The following LRRK2 variants were observed in gnomAD, a reference collection of about 807,000 sequenced individuals.
The protein encoded by LRRK2 is leucine rich repeat kinase 2.
Under a neutral mutation model 302.6 loss-of-function variants are expected in LRRK2, and 203 were observed. The ratio of observed to expected loss-of-function variants is 0.67; its 90% CI spans 0.60 to 0.75. LRRK2 has a LOEUF of 0.75. LRRK2 is among the 30% of genes least tolerant of loss of function. The pLI is 0.00. For synonymous variants in LRRK2, 1,066 were observed against 1,031.9 expected (o/e 1.03, Z -0.63); for missense variants, 2,830 against 2,951.0 (o/e 0.96, Z 0.95).
chr12:40,328,521 A>G, intron 39 of LRRK2, 61 bp downstream of exon 39: 1 of 1,284,342 alleles, frequency 7.8e-7, no homozygotes, highest in Non-Finnish European at 1.1e-6. Flanking sequence ...TGGAACTCTT[A>G]TTTTGCATAC....
chr12:40,354,498 G>C lies in LRRK2; in HGVS notation c.6770+6G>C. The C allele has an allele frequency of 6.2e-7, 1 of 1,612,916 alleles. No homozygotes were observed. The highest frequency in any genetic ancestry group is 8.5e-7 in the Non-Finnish European group (1 of 1,179,130). On this transcript the variant is annotated splice_donor_region_variant and intron_variant, in intron 45 of 50. Coordinates refer to ENST00000298910, the MANE Select transcript of LRRK2 (RefSeq NM_198578.4). ...AATTCCTTTTCCAAGCAAAGGTATG[G>C]TAGTGAATTTGATCAATGGGGAAAT...
intron 2 of LRRK2, among the ~76,000 whole-genome samples, chr12:40,230,111 G>A (rs759888696): frequency 1.2e-4 from 19 of 152,066 alleles, no homozygotes; most frequent in African/African-American, 4.6e-4. Flanking sequence ...TTCAGCTTAC[G>A]TGGAGGAGGA....
intron 18 of LRRK2, among the ~76,000 whole-genome samples, chr12:40,280,622 TAAAATA>T (rs1310254359): frequency 1.0e-3 from 6 of 5,820 alleles, no homozygotes; most frequent in Admixed American, 2.6e-3. Flanking sequence ...CAGACCCTGT[TAAAATA>T]AAATAAAATA....
intron 7 of LRRK2, among the ~76,000 whole-genome samples, chr12:40,246,463 G>T (rs1283207202): frequency 6.6e-6 from 1 of 151,244 alleles, no homozygotes; most frequent in Non-Finnish European, 1.5e-5. Flanking sequence ...TTTCTTTTTT[G>T]TTAAAAACAT....
At chr12:40,334,861 T>C in intron 39 of LRRK2, 106 bp from the exon 40 acceptor site, 1 of 1,240,222 alleles carries the variant, frequency 8.1e-7, no homozygotes, top group Non-Finnish European at 1.2e-6. Context: ...TATGATCCAG[T>C]CATACAGAGA....
At chr12:40,272,828 T>C (rs1943286661) in intron 14 of LRRK2, among the ~76,000 whole-genome samples, 1 of 152,148 alleles carries the variant, frequency 6.6e-6, no homozygotes, top group Non-Finnish European at 1.5e-5. Flanking sequence ...GAAGTCTGAT[T>C]ATACGAAATT....
At chr12:40,244,521 T>C (rs776541072) in intron 7 of LRRK2, among the ~76,000 whole-genome samples, 5 of 152,114 alleles carry the variant, frequency 3.3e-5, no homozygotes, top group Non-Finnish European at 5.9e-5. Flanking sequence ...ATTTTCTCCA[T>C]ATATAAATAA....
At position 40,225,289 on chromosome 12, in the gene LRRK2, A is replaced by T. The variant is rs1231680588; in HGVS notation, c.151+7A>T. 1.2e-6 allele frequency: 2 copies of T among 1,613,832 alleles called. No homozygotes were observed. The highest frequency in any genetic ancestry group is 2.7e-5 in the African/African-American group (2 of 74,918). ...TTCACGTACTCCGAGCGCGGTAATC[A>T]CTTGAAAATAAACTGTGCTTTTATT... is the stretch of plus-strand genomic sequence containing the variant. On this transcript the variant is annotated splice_region_variant and intron_variant, in intron 1 of 50. Transcript: ENST00000298910.
chr12:40,318,257 G>T (rs1219794050), intron 33 of LRRK2, among the ~76,000 whole-genome samples: 1 of 152,012 alleles, frequency 6.6e-6, no homozygotes. Context: ...TATATGAATA[G>T]CACCTATGTA....
At chr12:40,293,844 C>A (rs1446461044) in intron 21 of LRRK2, among the ~76,000 whole-genome samples, 181 bp downstream of exon 21, 1 of 150,016 alleles carries the variant, frequency 6.7e-6, no homozygotes, top group African/African-American at 2.4e-5. Context: ...AAATTATGCT[C>A]AATTCACATT....
intron 6 of LRRK2, among the ~76,000 whole-genome samples, chr12:40,241,566 G>T (rs1349106285): frequency 6.6e-6 from 1 of 152,108 alleles, no homozygotes; most frequent in Non-Finnish European, 1.5e-5. Context: ...ATATACATAT[G>T]CATTTATCTA....
intron 16 of LRRK2, among the ~76,000 whole-genome samples, chr12:40,277,223 C>A (rs1346191298): frequency 2.0e-5 from 3 of 152,116 alleles, no homozygotes; most frequent in Non-Finnish European, 4.4e-5. Flanking sequence ...AAGTCAAAAG[C>A]CCAATCTTTC....
intron 32 of LRRK2, among the ~76,000 whole-genome samples, chr12:40,314,918 A>T (rs1945165887): frequency 6.6e-6 from 1 of 152,102 alleles, no homozygotes; most frequent in Non-Finnish European, 1.5e-5. Context: ...GTGTGTATTC[A>T]GCAAGCGAAA....
chr12:40,237,846 C>CAAAT, intron 4 of LRRK2, 123 bp from the exon 5 acceptor site: 3 of 940,718 alleles, frequency 3.2e-6, no homozygotes, highest in Admixed American at 4.4e-5. Context: ...AACAAACAAA[C>CAAAT]AAGAAAACCA....
At position 40,314,038 on chromosome 12, in the gene LRRK2, T is replaced by G. The variant is rs1945123472; in HGVS notation, c.4603T>G (p.Leu1535Val). 6.2e-7 allele frequency: 1 copy of G among 1,612,460 alleles called. No individual in the cohort carries two copies. Among genetic ancestry groups the G allele is most frequent in the African/African-American group, 1.3e-5 (1 of 74,806 alleles). ...DCYVELEKII[L>V]SERKNVPIEF... ...CTATGTAGAACTTGAAAAAATCATT[T>G]TATCGGAGCGTAAAAATGTGCCAAT... The change falls in exon 32 of 51, where the codon TTA becomes GTA. Residue 1535 changes from leucine to valine, a missense_variant. Leu to Val is a conservative substitution (Grantham distance 32). Coordinates refer to ENST00000298910, the MANE Select transcript of LRRK2 (RefSeq NM_198578.4).
chr12:40,351,287 A>T (rs1380510783), intron 43 of LRRK2, among the ~76,000 whole-genome samples: 1 of 152,062 alleles, frequency 6.6e-6, no homozygotes, highest in African/African-American at 2.4e-5. Context: ...GACCCTTGAG[A>T]TTTTCTTTTC....
rs1285643530 is a variant in LRRK2, at chr12:40,283,981, A to G, written c.2348A>G (p.Asp783Gly). 2.5e-6 allele frequency: 4 copies of G among 1,614,068 alleles called. No individual in the cohort carries two copies. Among genetic ancestry groups the G allele is most frequent in the Non-Finnish European group, 2.5e-6 (3 of 1,179,920 alleles). ...TTGACGATAAGCATTGGGAAAGGTG[A>G]CAGCCAGATCATCAGCTTGCTCTTA... ...KALTISIGKGDSQIISLLLRR... is the reference protein window; with the variant it reads ...KALTISIGKGGSQIISLLLRR... The change falls in exon 19 of 51, where the codon GAC becomes GGC. Residue 783 changes from aspartate (D) to glycine (G), a missense_variant. Around this residue, in one of 3 missense-constraint regions of LRRK2, gnomAD observed 2,121 missense variants for 2,148.0 expected, o/e 0.99. Transcript: ENST00000298910.
At chr12:40,345,977 A>C (rs1946180501) in intron 41 of LRRK2, among the ~76,000 whole-genome samples, 1 of 152,166 alleles carries the variant, frequency 6.6e-6, no homozygotes, top group African/African-American at 2.4e-5. Flanking sequence ...TCATCTTAGA[A>C]AGTGATCCCT....
chr12:40,294,830 A>G lies in LRRK2; in HGVS notation c.2809-15A>G. ...ATAAATGACAGCAATTTTATTATAA[A>G]TTATTTTTTAATAGGGGCCCATTTT... On this transcript the variant is annotated splice_polypyrimidine_tract_variant and intron_variant, in intron 21 of 50. Transcript: ENST00000298910. The G allele has an allele frequency of 7.0e-7, 1 of 1,430,590 alleles. No individual in the cohort carries two copies. The highest frequency in any genetic ancestry group is 9.8e-7 in the Non-Finnish European group (1 of 1,021,782). 88.6% of individuals were successfully genotyped at this position (1,430,590 alleles called of 1,614,324 possible).
Sources: allele counts gnomAD v4.1 joint callset (sites outside exome capture counted in the v4.1 genomes callset), GRCh38; gene constraint gnomAD v4.1.1; regional missense constraint gnomAD v4.1.1; transcripts MANE v1.5; gene names NCBI Gene and HGNC (gene_info 2026-07-23, HGNC 2026-07-21).